The following NSUN7 variants were observed in gnomAD, a reference collection of about 807,000 sequenced individuals.
NSUN7 encodes protein NSUN7.
Under a neutral mutation model 58.5 loss-of-function variants are expected in NSUN7, and 39 were observed. The observed-to-expected ratio is 0.67, with a 90% CI of 0.52 to 0.87. The LOEUF is 0.87. Ranked by LOEUF, NSUN7 falls within the 40% of genes least tolerant of loss-of-function variation. NSUN7 has a pLI of 0.00. For synonymous variants in NSUN7, 278 were observed against 303.7 expected, an observed-to-expected ratio of 0.92 and a Z score of 0.88; for missense variants, 765 against 844.1, an observed-to-expected ratio of 0.91 and a Z score of 1.16.
At chr4:40,760,770 A>T (rs1205168791) in intron 3 of NSUN7, among the ~76,000 whole-genome samples, 1 of 151,222 alleles carries the variant, frequency 6.6e-6, no homozygotes, top group African/African-American at 2.4e-5. Flanking sequence ...CTGAAGCAGG[A>T]GAATTGCTTG....
chr4:40,753,673 A>G (rs997642396), intron 2 of NSUN7, among the ~76,000 whole-genome samples: 1 of 152,214 alleles, frequency 6.6e-6, no homozygotes, highest in Admixed American at 6.5e-5. Flanking sequence ...CTTGTTAAAT[A>G]TATTTTTTCT....
chr4:40,762,166 A>C (rs1303443560), intron 4 of NSUN7, among the ~76,000 whole-genome samples: 1 of 152,210 alleles, frequency 6.6e-6, no homozygotes, highest in Non-Finnish European at 1.5e-5. Flanking sequence ...TTGATTTTGG[A>C]CTTCTCAGCC....
At chr4:40,792,337 G>A (rs1342439806) in intron 8 of NSUN7, among the ~76,000 whole-genome samples, 40 of 152,232 alleles carry the variant, frequency 2.6e-4, no homozygotes, top group Non-Finnish European at 1.3e-4. Flanking sequence ...TAAACTAAAG[G>A]CTAGAGGAGA....
In NSUN7 at chr4:40,775,988, G is replaced by T; in HGVS notation, c.826-61G>T. ...TACTTTCTTTTATGTAAAGCAAATA[G>T]AAGTCAGCTTATATTTCTAGCCATA... On this transcript the variant is annotated intron_variant, in intron 6 of 11. Coordinates refer to ENST00000381782, the MANE Select transcript of NSUN7 (RefSeq NM_024677.6). This position sits in a 1 kb window ranked among gnomAD's most constrained non-coding sequence, Gnocchi z 4.3. 1 of 1,052,746 alleles carries T rather than the reference G, an allele frequency of 9.5e-7. No homozygotes were observed. Among genetic ancestry groups the T allele is most frequent in the Non-Finnish European group, 1.4e-6 (1 of 727,064 alleles). The allele number at this position is 1,052,746 out of a possible 1,614,324, so 65.2% of individuals were successfully genotyped here.
In NSUN7 at chr4:40,754,133, GC is replaced by G. The variant is rs544005518; in HGVS notation, c.298+3144del. Among the ~76,000 whole-genome samples the G allele has an allele frequency of 6.7e-5, 10 of 149,366 alleles. No homozygotes were observed. The South Asian group carries it at 1.0e-3, about 16-fold the overall frequency. ...AGTGGATTTTCCAAGATAATTAGGA[GC>G]CTGCTATTTTCCTTTTTTTTTTTTT... On this transcript the variant is annotated intron_variant, in intron 2 of 11. Coordinates refer to ENST00000381782, the MANE Select transcript of NSUN7 (RefSeq NM_024677.6).
rs572448676 is a variant in NSUN7 at position 40,770,780 on chromosome 4, C to T, written c.489-3485C>T. ...AAAAATAAACTGAGGTGGCTGGGCA[C>T]GGTGGCTCACACCTGTAATCCCAGC... is the stretch of plus-strand genomic sequence containing the variant. On this transcript the variant is annotated intron_variant, in intron 4 of 11. Transcript: ENST00000381782. Among the ~76,000 whole-genome samples the T allele has an allele frequency of 9.2e-5, 14 of 152,192 alleles. No homozygotes were observed. In the South Asian group the frequency reaches 2.3e-3, roughly 25 times the overall value.
At chr4:40,786,577 C>G (rs1407594270) in intron 7 of NSUN7, 17 of 1,613,200 alleles carry the variant, frequency 1.1e-5, no homozygotes, top group Non-Finnish European at 1.4e-5. Context: ...AATGGGTGAC[C>G]TGAGTTCATC....
chr4:40,780,901 G>A (rs1742532016), intron 7 of NSUN7, among the ~76,000 whole-genome samples: 1 of 138,278 alleles, frequency 7.2e-6, no homozygotes, highest in Admixed American at 8.0e-5. Context: ...CTCACTGCAA[G>A]CTCTGCCTCC....
chr4:40,756,078 A>G (rs1451908408), intron 2 of NSUN7, among the ~76,000 whole-genome samples: 1 of 152,104 alleles, frequency 6.6e-6, no homozygotes, highest in Non-Finnish European at 1.5e-5. Flanking sequence ...TGTGTGGTCT[A>G]GGACCCCAGG....
At chr4:40,798,510 C>T (rs1353316947) in intron 9 of NSUN7, among the ~76,000 whole-genome samples, 1 of 152,142 alleles carries the variant, frequency 6.6e-6, no homozygotes, top group African/African-American at 2.4e-5. Context: ...TGGTAACCTG[C>T]AGTATTTATT....
Position 40,810,294 on chromosome 4 carries a change from G to A in NSUN7, c.*1355G>A, listed in dbSNP as rs1373923589. 1 of 152,070 alleles carries A rather than the reference G, an allele frequency of 6.6e-6. No homozygotes were observed. The highest frequency in any genetic ancestry group is 1.5e-5 in the Non-Finnish European group (1 of 68,008). The allele number at this position is 152,070 out of a possible 1,614,324, so 9.4% of individuals were successfully genotyped here. ...TCAGTAAAACGTGTCAGTGGGCTGG[G>A]TGCAGTGGCTCACATCTGTAATCTC... On this transcript the variant is annotated 3_prime_UTR_variant, in exon 12 of 12. Coordinates refer to ENST00000381782, the MANE Select transcript of NSUN7 (RefSeq NM_024677.6).
intron 5 of NSUN7, among the ~76,000 whole-genome samples, 166 bp downstream of exon 5, chr4:40,774,583 C>T (rs1417114254): frequency 2.0e-5 from 3 of 152,088 alleles, no homozygotes; most frequent in African/African-American, 7.2e-5. Context: ...AAGGTAATTA[C>T]ATAAATATGT....
chr4:40,768,108 T>G (rs1221759214), intron 4 of NSUN7, among the ~76,000 whole-genome samples: 2 of 152,212 alleles, frequency 1.3e-5, no homozygotes, highest in Non-Finnish European at 2.9e-5. Context: ...TTCTAGGGCT[T>G]GAGACTGTAG....
chr4:40,760,889 A>C (rs1270625947), intron 3 of NSUN7, among the ~76,000 whole-genome samples: 1 of 151,772 alleles, frequency 6.6e-6, no homozygotes, highest in Non-Finnish European at 1.5e-5. Context: ...AAAGATTTAA[A>C]TAGTTTGCTG....
chr4:40,763,300 G>C (rs970224237), intron 4 of NSUN7, among the ~76,000 whole-genome samples: 1 of 152,206 alleles, frequency 6.6e-6, no homozygotes, highest in Non-Finnish European at 1.5e-5. Flanking sequence ...TGTTAAATAA[G>C]TAAGGATCTT....
At chr4:40,767,077 T>C (rs1157903439) in intron 4 of NSUN7, among the ~76,000 whole-genome samples, 1 of 151,414 alleles carries the variant, frequency 6.6e-6, no homozygotes, top group Non-Finnish European at 1.5e-5. Flanking sequence ...TGTGTCTCTA[T>C]TTCCTTCAGT....
intron 4 of NSUN7, among the ~76,000 whole-genome samples, 180 bp from the exon 5 acceptor site, chr4:40,774,085 G>A (rs888868206): frequency 2.0e-5 from 3 of 152,134 alleles, no homozygotes; most frequent in African/African-American, 4.8e-5. Context: ...GGCATGAGCC[G>A]CTGCGCCTGG....
chr4:40,751,300 C>G (rs557641379), intron 2 of NSUN7, among the ~76,000 whole-genome samples: 2 of 151,334 alleles, frequency 1.3e-5, no homozygotes, highest in Non-Finnish European at 2.9e-5. Flanking sequence ...TTTTTTTTCC[C>G]TCGTAGACTT....
chr4:40,807,193 A>G lies in NSUN7; in HGVS notation c.1524+9A>G. On this transcript the variant is annotated intron_variant, in intron 11 of 11. Transcript: ENST00000381782. ...CTATTTTAACAAGGGAGGTAAGGAA[A>G]AAAAATCCTAATCCATGTCATACTT... 1 of 1,545,138 alleles carries G rather than the reference A, an allele frequency of 6.5e-7. No homozygotes were observed. The highest frequency in any genetic ancestry group is 8.7e-7 in the Non-Finnish European group (1 of 1,144,646).
Sources: gnomAD v4.1 joint callset for allele counts (sites outside exome capture counted in the v4.1 genomes callset) on GRCh38, gnomAD v4.1.1 for gene constraint, Gnocchi (gnomAD v3.1) non-coding constraint, MANE v1.5 for transcripts, NCBI Gene and HGNC (gene_info 2026-07-23, HGNC 2026-07-21) for gene names.